ATP10A: variants seen among roughly 807,000 people sequenced by gnomAD.
ATP10A encodes phospholipid-transporting ATPase VA.
A neutral mutation model predicts 147.8 loss-of-function variants in ATP10A; 111 were observed. The observed-to-expected ratio is 0.75, with a 90% CI of 0.64 to 0.88. The LOEUF is 0.88. Ranked by LOEUF, ATP10A falls within the 40% of genes least tolerant of loss-of-function variation. The pLI, the probability that ATP10A is intolerant of heterozygous loss-of-function variation, is 0.00. For missense variants in ATP10A, 1,927 were observed against 1,959.0 expected, an observed-to-expected ratio of 0.98 and a Z score of 0.31; for synonymous variants, 875 against 841.6, an observed-to-expected ratio of 1.04 and a Z score of -0.69.
intron 2 of ATP10A, among the ~76,000 whole-genome samples, chr15:25,756,438 T>C (rs1432469599): frequency 4.6e-5 from 7 of 152,012 alleles, no homozygotes; most frequent in Non-Finnish European, 7.4e-5. Flanking sequence ...GGTCAGGAGA[T>C]TGAGATCATC....
intron 1 of ATP10A, among the ~76,000 whole-genome samples, chr15:25,795,190 G>A (rs946874650): frequency 3.3e-5 from 5 of 152,046 alleles, no homozygotes; most frequent in African/African-American, 7.2e-5. Flanking sequence ...AATGAGCAGC[G>A]CCCCCTTCTG....
At chr15:25,862,412 G>C in intron 1 of ATP10A, 1 of 653,728 alleles carries the variant, frequency 1.5e-6, no homozygotes, top group Admixed American at 2.2e-5. Context: ...AGTGACAGGG[G>C]ATCCCCACGC....
intron 2 of ATP10A, among the ~76,000 whole-genome samples, chr15:25,768,786 C>T (rs59738670): frequency 1.3e-5 from 2 of 149,606 alleles, no homozygotes; most frequent in Non-Finnish European, 3.0e-5. Flanking sequence ...ACCTTGGCCT[C>T]CCAAAGTGCT....
At chr15:25,858,454 G>T (rs895147868) in intron 1 of ATP10A, among the ~76,000 whole-genome samples, 1 of 152,044 alleles carries the variant, frequency 6.6e-6, no homozygotes, top group Admixed American at 6.6e-5. Flanking sequence ...GAGTAGGAGA[G>T]GGGAGACAAG....
chr15:25,718,496 G>T, intron 7 of ATP10A, 97 bp from the exon 8 acceptor site: 1 of 1,272,412 alleles, frequency 7.9e-7, no homozygotes, highest in Non-Finnish European at 1.1e-6. Flanking sequence ...GAGGCTTCCG[G>T]CAGGGCAGCC....
At chr15:25,742,688 G>A (rs555276630) in intron 2 of ATP10A, among the ~76,000 whole-genome samples, 4 of 152,142 alleles carry the variant, frequency 2.6e-5, no homozygotes, top group Non-Finnish European at 5.9e-5. Flanking sequence ...TTTCTCCTCC[G>A]TCAAATGCAC....
intron 2 of ATP10A, among the ~76,000 whole-genome samples, chr15:25,765,530 CACT>C (rs1330034930): frequency 6.6e-6 from 1 of 152,164 alleles, no homozygotes; most frequent in Non-Finnish European, 1.5e-5. Context: ...CTCACCGCGG[CACT>C]ACAGCTGTCC....
chr15:25,779,946 C>T lies in ATP10A; in HGVS notation c.654+1073G>A, dbSNP rs966146261. Among the ~76,000 whole-genome samples, 28 of 151,902 alleles carry T rather than the reference C, an allele frequency of 1.8e-4. No individual in the cohort carries two copies. In the South Asian group the frequency reaches 3.3e-3, roughly 18 times the overall value. Reference sequence around the variant, plus strand: ...TTGGAACAGTCAGGCAGACGCCTGCCGCAGGCAGGCCGGGCGGGCGAGGTG... The same window carrying T: ...TTGGAACAGTCAGGCAGACGCCTGCTGCAGGCAGGCCGGGCGGGCGAGGTG... On this transcript the variant is annotated intron_variant, in intron 2 of 20. Transcript: ENST00000555815.
chr15:25,863,055 CG>C lies in ATP10A; in HGVS notation c.41del (p.Pro14ArgfsTer90). 8.0e-7 allele frequency: 1 copy of C among 1,251,856 alleles called. No individual in the cohort carries two copies. The highest frequency in any genetic ancestry group is 3.0e-5 in the South Asian group (1 of 33,076). The allele number at this position is 1,251,856 out of a possible 1,614,324, so 77.5% of individuals were successfully genotyped here. On this transcript the variant is annotated frameshift_variant, in exon 1 of 21. Transcript: ENST00000555815. LOFTEE classifies it high-confidence loss of function. The stretch of plus-strand genomic sequence containing the variant: ...TGCCCTCTCGGCGCCTCCGCCGTCC[CG>C]GAGGCCCGGGCTCCTCGGTCCCCGC... ...EPAGTEEPGP[P>X]GRRRRREGRT... is the part of the protein sequence containing the mutation.
intron 1 of ATP10A, among the ~76,000 whole-genome samples, chr15:25,830,640 C>T (rs572133064): frequency 6.6e-6 from 1 of 152,146 alleles, no homozygotes; most frequent in East Asian, 1.9e-4. Flanking sequence ...CAGTTCGCCA[C>T]GGCCCCCTTC....
chr15:25,799,654 G>A (rs1156730540), intron 1 of ATP10A, among the ~76,000 whole-genome samples: 4 of 152,124 alleles, frequency 2.6e-5, no homozygotes, highest in Non-Finnish European at 4.4e-5. Flanking sequence ...GATCGCTTGA[G>A]CCCAGGAGGT....
intron 1 of ATP10A, among the ~76,000 whole-genome samples, chr15:25,861,427 A>G (rs1418605002): frequency 2.0e-5 from 3 of 152,126 alleles, no homozygotes; most frequent in East Asian, 3.9e-4. Flanking sequence ...GAACCCGTTT[A>G]CTCTGTTTAC....
intron 1 of ATP10A, among the ~76,000 whole-genome samples, chr15:25,842,907 C>T (rs1447411887): frequency 1.3e-5 from 2 of 152,006 alleles, no homozygotes; most frequent in Admixed American, 6.6e-5. Flanking sequence ...TTTATAGAAA[C>T]GGAATCTCAC....
At chr15:25,693,445 T>C (rs1900143200) in intron 14 of ATP10A, among the ~76,000 whole-genome samples, 1 of 152,214 alleles carries the variant, frequency 6.6e-6, no homozygotes, top group African/African-American at 2.4e-5. Flanking sequence ...CAGACACCAG[T>C]GGCTACGCGG....
intron 8 of ATP10A, 108 bp from the exon 9 acceptor site, chr15:25,717,032 T>G (rs1901864161): frequency 1.2e-6 from 1 of 819,062 alleles, no homozygotes; most frequent in Non-Finnish European, 1.8e-6. Flanking sequence ...TAAACAGAAC[T>G]TCATCTCTCA....
intron 1 of ATP10A, among the ~76,000 whole-genome samples, chr15:25,785,382 C>A (rs1295953824): frequency 1.3e-5 from 2 of 152,312 alleles, no homozygotes; most frequent in East Asian, 3.9e-4. Flanking sequence ...CTCAGGAGGA[C>A]CCATCCTGCC....
intron 1 of ATP10A, among the ~76,000 whole-genome samples, chr15:25,854,434 G>A (rs1350152331): frequency 6.6e-6 from 1 of 151,732 alleles, no homozygotes; most frequent in Non-Finnish European, 1.5e-5. Context: ...AAGGAATAGG[G>A]GGAAAGAAAA....
chr15:25,722,161 G>A (rs1015652003), intron 6 of ATP10A, among the ~76,000 whole-genome samples: 2 of 152,164 alleles, frequency 1.3e-5, no homozygotes, highest in Non-Finnish European at 2.9e-5. Context: ...CTGGAAGTAT[G>A]GTACCCATGG....
rs747137326 is a variant in ATP10A at position 25,680,289 on chromosome 15, G to A, written c.3698C>T (p.Thr1233Met). ...AAACAAAAGGACACTGAAGCCACAC[G>A]TTATCCAGTTGAGCCAGGTCTGAGG... ...TKTWTWLNWI[T>M]CGFSVLLFFT... Residue 1233 changes from threonine to methionine, a missense_variant, in exon 20 of 21, where the codon ACG becomes ATG. By Grantham distance (81) the Thr-to-Met change is moderately conservative. Coordinates refer to ENST00000555815, the MANE Select transcript of ATP10A (RefSeq NM_024490.4). 5.6e-6 allele frequency: 9 copies of A among 1,614,060 alleles called. No homozygotes were observed. Among genetic ancestry groups the A allele is most frequent in the Admixed American group, 1.7e-5 (1 of 60,004 alleles).
Sources: allele counts gnomAD v4.1 joint callset (sites outside exome capture counted in the v4.1 genomes callset), GRCh38; gene constraint gnomAD v4.1.1; transcripts MANE v1.5; gene names NCBI Gene and HGNC (gene_info 2026-07-23, HGNC 2026-07-21).